Variants in FIGN observed in about 807,000 individuals in gnomAD.
FIGN encodes the protein fidgetin.
In FIGN, 11 loss-of-function variants were observed where a neutral mutation model predicts 51.3. The observed-to-expected ratio is 0.21, with a 90% CI of 0.13 to 0.35. FIGN has a LOEUF of 0.35. FIGN is among the 10% of genes least tolerant of loss of function. The pLI is 1.00. For missense variants in FIGN, 857 were observed against 943.6 expected, an observed-to-expected ratio of 0.91 and a Z score of 1.20; for synonymous variants, 407 against 363.2, an observed-to-expected ratio of 1.12 and a Z score of -1.37.
intron 2 of FIGN, among the ~76,000 whole-genome samples, chr2:163,709,158 G>A (rs532696959): frequency 6.6e-6 from 1 of 152,136 alleles, no homozygotes; most frequent in South Asian, 2.1e-4. Context: ...GGCAAACACA[G>A]AGAAGGAATA....
intron 2 of FIGN, among the ~76,000 whole-genome samples, chr2:163,652,361 A>ACACACACACACACAC (rs776188112): frequency 2.2e-5 from 3 of 139,374 alleles, no homozygotes; most frequent in Admixed American, 7.2e-5. Flanking sequence ...CACACACACA[A>ACACACACACACACAC]ACACACACAC....
At chr2:163,659,167 A>C (rs1683611442) in intron 2 of FIGN, among the ~76,000 whole-genome samples, 1 of 152,250 alleles carries the variant, frequency 6.6e-6, no homozygotes, top group African/African-American at 2.4e-5. Flanking sequence ...GATTTACTTA[A>C]AAGCCCAAGT....
Position 163,610,980 on chromosome 2 carries a change from G to C in FIGN, c.852C>G (p.Pro284=), listed in dbSNP as rs372249646. The C allele has an allele frequency of 3.9e-5, 63 of 1,613,722 alleles. No homozygotes were observed. The highest frequency in any genetic ancestry group is 6.7e-5 in the East Asian group (3 of 44,858). ...YLPSGIPAPT[P]LPPTTVPGYT... is the part of the protein sequence containing the mutation. ...AGCCAGGAACAGTGGTGGGGGGTAGGGGGGTGGGAGCAGGAATTCCTGAAG... is the reference window on the plus strand; with the variant it reads ...AGCCAGGAACAGTGGTGGGGGGTAGCGGGGTGGGAGCAGGAATTCCTGAAG... Residue 284 remains proline, a synonymous_variant, in exon 3 of 3, where the codon CCC becomes CCG. Transcript: ENST00000333129.
intron 2 of FIGN, among the ~76,000 whole-genome samples, chr2:163,691,470 A>G (rs1684238700): frequency 6.6e-6 from 1 of 152,060 alleles, no homozygotes; most frequent in Non-Finnish European, 1.5e-5. Context: ...GAGGCACCTG[A>G]GTTTGCCATC....
chr2:163,690,728 T>C (rs1176190071), intron 2 of FIGN, among the ~76,000 whole-genome samples: 1 of 152,076 alleles, frequency 6.6e-6, no homozygotes, highest in African/African-American at 2.4e-5. Context: ...TAAAAGATTA[T>C]TTTATGTGTA....
chr2:163,714,969 AAC>A (rs1487738333), intron 2 of FIGN, among the ~76,000 whole-genome samples: 4 of 152,264 alleles, frequency 2.6e-5, no homozygotes, highest in Non-Finnish European at 5.9e-5. Flanking sequence ...ATGTGAATTT[AAC>A]ACTCACATAA....
intron 2 of FIGN, among the ~76,000 whole-genome samples, chr2:163,658,363 A>AGC (rs1683595550): frequency 1.1e-5 from 1 of 87,596 alleles, no homozygotes; most frequent in South Asian, 4.4e-4. Flanking sequence ...CTTAAGAAAC[A>AGC]GCTCTCTCTC....
At chr2:163,696,428 T>C (rs1559024166) in intron 2 of FIGN, among the ~76,000 whole-genome samples, 1 of 152,134 alleles carries the variant, frequency 6.6e-6, no homozygotes, top group Non-Finnish European at 1.5e-5. Flanking sequence ...CACAATCGTT[T>C]ACTTATCACT....
intron 2 of FIGN, among the ~76,000 whole-genome samples, chr2:163,701,131 T>A (rs1438929207): frequency 6.6e-6 from 1 of 152,148 alleles, no homozygotes; most frequent in African/African-American, 2.4e-5. Context: ...TTAAAAAAAA[T>A]ATCTATTGAG....
chr2:163,686,360 T>C (rs1273650841), intron 2 of FIGN, among the ~76,000 whole-genome samples: 1 of 152,198 alleles, frequency 6.6e-6, no homozygotes, highest in Admixed American at 6.5e-5. Flanking sequence ...GTTGATTAAA[T>C]GTACACTTAA....
At chr2:163,611,900 TCC>T in intron 2 of FIGN, 94 bp from the exon 3 acceptor site, 1 of 978,732 alleles carries the variant, frequency 1.0e-6, no homozygotes, top group South Asian at 1.7e-5. Context: ...CCTATTATTT[TCC>T]ATTAATGATA....
At chr2:163,698,625 A>C (rs1684360287) in intron 2 of FIGN, among the ~76,000 whole-genome samples, 1 of 152,134 alleles carries the variant, frequency 6.6e-6, no homozygotes, top group African/African-American at 2.4e-5. Context: ...AATACATCTA[A>C]TTAATGAAAG....
At chr2:163,627,978 A>T (rs1683082295) in intron 2 of FIGN, among the ~76,000 whole-genome samples, 1 of 152,162 alleles carries the variant, frequency 6.6e-6, no homozygotes, top group African/African-American at 2.4e-5. Context: ...TAAGTCTCAA[A>T]ATTAGAATAC....
intron 2 of FIGN, among the ~76,000 whole-genome samples, chr2:163,652,343 AACACACACACACACACAAACACAC>A (rs1683490150): frequency 1.2e-5 from 1 of 80,842 alleles, no homozygotes; most frequent in Non-Finnish European, 2.3e-5. Context: ...TCCATTAACC[AACACACACACACACACAAACACAC>A]ACACACACAC....
chr2:163,697,289 C>G (rs1684337520), intron 2 of FIGN, among the ~76,000 whole-genome samples: 1 of 151,388 alleles, frequency 6.6e-6, no homozygotes, highest in Non-Finnish European at 1.5e-5. Context: ...TTAGTAGAGA[C>G]AGGGTTTCGC....
intron 2 of FIGN, among the ~76,000 whole-genome samples, chr2:163,699,304 G>A (rs900196885): frequency 1.1e-4 from 17 of 152,068 alleles, no homozygotes; most frequent in African/African-American, 3.9e-4. Flanking sequence ...TAAAACCATG[G>A]TAGCTTTCAA....
intron 2 of FIGN, among the ~76,000 whole-genome samples, chr2:163,685,267 C>T (rs1284816216): frequency 1.3e-5 from 2 of 152,178 alleles, no homozygotes; most frequent in East Asian, 1.9e-4. Context: ...TTAATCTGTA[C>T]TCCTTGTTCT....
At chr2:163,706,874 C>G (rs1459814072) in intron 2 of FIGN, among the ~76,000 whole-genome samples, 1 of 151,554 alleles carries the variant, frequency 6.6e-6, no homozygotes. Context: ...TTAAAACAAA[C>G]AAAAAAAATT....
intron 2 of FIGN, among the ~76,000 whole-genome samples, chr2:163,633,870 T>C (rs1018132977): frequency 2.0e-5 from 3 of 152,172 alleles, no homozygotes; most frequent in Admixed American, 1.3e-4. Flanking sequence ...ACTGAACATG[T>C]ACAAAGTGAA....
Sources: allele counts gnomAD v4.1 joint callset (sites outside exome capture counted in the v4.1 genomes callset), GRCh38; gene constraint gnomAD v4.1.1; transcripts MANE v1.5; gene names NCBI Gene and HGNC (gene_info 2026-07-23, HGNC 2026-07-21).